Variants in CCDC171 observed in about 807,000 individuals in gnomAD.
CCDC171 encodes coiled-coil domain-containing protein 171.
Under a neutral mutation model 168.2 loss-of-function variants are expected in CCDC171, and 177 were observed. The ratio of observed to expected loss-of-function variants is 1.05; its 90% CI spans 0.93 to 1.19. The LOEUF is 1.19. Among genes scored for constraint, CCDC171 ranks in the 50% most tolerant of loss-of-function variants. The pLI is 0.00. For synonymous variants in CCDC171, 687 were observed against 540.8 expected (o/e 1.27, Z -3.75); for missense variants, 1,991 against 1,539.0 (o/e 1.29, Z -4.91).
intron 25 of CCDC171, among the ~76,000 whole-genome samples, chr9:15,954,602 C>G (rs917908861): frequency 2.0e-5 from 3 of 151,754 alleles, no homozygotes; most frequent in Non-Finnish European, 4.4e-5. Flanking sequence ...GTTCACTTTT[C>G]TTCGATCATT....
chr9:15,637,448 T>A (rs981911539), intron 7 of CCDC171, among the ~76,000 whole-genome samples: 3 of 151,964 alleles, frequency 2.0e-5, no homozygotes, highest in Admixed American at 6.6e-5. Flanking sequence ...TTTTTACTTT[T>A]TAAAATTTTT....
At chr9:15,623,819 TG>T (rs1430259229) in intron 7 of CCDC171, among the ~76,000 whole-genome samples, 1 of 152,210 alleles carries the variant, frequency 6.6e-6, no homozygotes, top group Admixed American at 6.5e-5. Flanking sequence ...GTTTGAATCA[TG>T]TATGGTTTTG....
intron 8 of CCDC171, among the ~76,000 whole-genome samples, chr9:15,663,442 A>G (rs947816507): frequency 2.5e-4 from 38 of 151,968 alleles, no homozygotes; most frequent in African/African-American, 8.7e-4. Flanking sequence ...TGTCCCTCCC[A>G]TTCCTCTACC....
intron 21 of CCDC171, among the ~76,000 whole-genome samples, chr9:15,805,118 T>G (rs533747385): frequency 2.0e-5 from 3 of 152,256 alleles, no homozygotes; most frequent in East Asian, 3.9e-4. Flanking sequence ...TATTTCTGAT[T>G]GTGTTTATTT....
chr9:16,032,628 GT>G (rs1833383375), intron 6 of CCDC171, among the ~76,000 whole-genome samples: 1 of 152,132 alleles, frequency 6.6e-6, no homozygotes, highest in South Asian at 2.1e-4. Context: ...AGAGAACTTT[GT>G]TTTTTAGAGA....
At position 15,791,970 on chromosome 9, in the gene CCDC171, T is replaced by C. The variant is rs200185851; in HGVS notation, c.3267+7276T>C. Among the ~76,000 whole-genome samples, 118 of 152,250 alleles carry C rather than the reference T, an allele frequency of 7.8e-4. 1 individual carries two copies. Among genetic ancestry groups the C allele is most frequent in the African/African-American group, 2.5e-3 (105 of 41,540 alleles). Reference sequence around the variant, plus strand: ...TCACCAGCAATGGAACAAAGCTGGATGGAGAATGACTTTGATGAGTTGAGA... The same window carrying C: ...TCACCAGCAATGGAACAAAGCTGGACGGAGAATGACTTTGATGAGTTGAGA... On this transcript the variant is annotated intron_variant, in intron 21 of 25. Transcript: ENST00000380701.
intron 23 of CCDC171, among the ~76,000 whole-genome samples, chr9:15,863,259 G>A (rs1410454543): frequency 1.3e-5 from 2 of 151,970 alleles, no homozygotes; most frequent in Non-Finnish European, 2.9e-5. Context: ...TGGGGATTAC[G>A]ATTAGAGAGT....
At chr9:15,763,636 A>G (rs1204318173) in intron 18 of CCDC171, among the ~76,000 whole-genome samples, 1 of 152,230 alleles carries the variant, frequency 6.6e-6, no homozygotes, top group African/African-American at 2.4e-5. Flanking sequence ...ACTTCTCCTT[A>G]GGTGAGGCCA....
intron 21 of CCDC171, among the ~76,000 whole-genome samples, chr9:15,805,550 T>G (rs2059034774): frequency 1.3e-5 from 2 of 152,122 alleles, no homozygotes; most frequent in Non-Finnish European, 2.9e-5. Context: ...TAATTGTGTG[T>G]TTTCCAGTGA....
intron 7 of CCDC171, among the ~76,000 whole-genome samples, chr9:15,655,978 T>C (rs527282994): frequency 1.3e-5 from 2 of 152,264 alleles, no homozygotes; most frequent in Admixed American, 1.3e-4. Context: ...TTGGTGTTAG[T>C]AATCTAAATT....
rs529883118 is a variant in CCDC171, at chr9:15,942,999, C to G, written c.3753+22577C>G. ...TGAGCTTTAACTGCTGAACCCAAAC[C>G]AAGCCGTATAAGGAGATGGGTCCTG... On this transcript the variant is annotated intron_variant, in intron 25 of 25. Coordinates refer to ENST00000380701, the MANE Select transcript of CCDC171 (RefSeq NM_173550.4). Among the ~76,000 whole-genome samples, 6 of 151,946 alleles carry G rather than the reference C, an allele frequency of 3.9e-5. No individual in the cohort carries two copies. In the South Asian group the frequency reaches 1.2e-3, roughly 32 times the overall value.
At chr9:15,693,021 C>T (rs781305108) in intron 10 of CCDC171, among the ~76,000 whole-genome samples, 2 of 151,944 alleles carry the variant, frequency 1.3e-5, no homozygotes, top group Non-Finnish European at 2.9e-5. Context: ...CCTGTACTCC[C>T]AGCTACTTGG....
intron 1 of CCDC171, among the ~76,000 whole-genome samples, chr9:16,045,496 G>A (rs747560187): frequency 2.0e-5 from 3 of 152,202 alleles, no homozygotes; most frequent in Non-Finnish European, 4.4e-5. Flanking sequence ...GTCATGGGTT[G>A]TAACAATCAA....
At chr9:15,655,073 C>A (rs1400606666) in intron 7 of CCDC171, among the ~76,000 whole-genome samples, 1 of 151,890 alleles carries the variant, frequency 6.6e-6, no homozygotes, top group African/African-American at 2.4e-5. Flanking sequence ...AGGAGATATA[C>A]CTAATGTTAA....
At chr9:16,103,878 A>T in the CCDC171 span, among the ~76,000 whole-genome samples, 1 of 152,182 alleles carries the variant, frequency 6.6e-6, no homozygotes, top group Non-Finnish European at 1.5e-5. Flanking sequence ...ACGTGTTCAA[A>T]ACTGGAGGTC....
At chr9:15,950,399 A>G (rs1283264121) in intron 25 of CCDC171, among the ~76,000 whole-genome samples, 1 of 152,200 alleles carries the variant, frequency 6.6e-6, no homozygotes, top group Non-Finnish European at 1.5e-5. Flanking sequence ...CCACAAGAGA[A>G]GCCCATCAGA....
intron 23 of CCDC171, among the ~76,000 whole-genome samples, chr9:15,869,306 T>G (rs978316242): frequency 1.3e-5 from 2 of 152,018 alleles, no homozygotes; most frequent in Non-Finnish European, 2.9e-5. Context: ...AAGTATCCAT[T>G]TAGATGTAAC....
chr9:16,031,413 T>C (rs950442051), intron 6 of CCDC171, among the ~76,000 whole-genome samples: 1 of 152,232 alleles, frequency 6.6e-6, no homozygotes, highest in Non-Finnish European at 1.5e-5. Context: ...TGTGGTAAGT[T>C]GTATATATAC....
In CCDC171 at chr9:16,011,494, T is replaced by C. The variant is rs1312513991; in HGVS notation, n.369-9095T>C. 3.9e-5 allele frequency among the ~76,000 whole-genome samples: 6 copies of C among 152,162 alleles called. No homozygotes were observed. In the East Asian group the frequency reaches 5.8e-4, roughly 15 times the overall value. On this transcript the variant is annotated intron_variant and non_coding_transcript_variant, in intron 3 of 9. Transcript: ENST00000486641. ...TATTATTCACAATTTTTTTGAAAAA[T>C]GACAGGCAAAATGGTCTTTTCTGTT... is the stretch of plus-strand genomic sequence containing the variant.
Sources: allele counts gnomAD v4.1 joint callset (sites outside exome capture counted in the v4.1 genomes callset), GRCh38; gene constraint gnomAD v4.1.1; transcripts MANE v1.5; gene names NCBI Gene and HGNC (gene_info 2026-07-23, HGNC 2026-07-21).